Variants in NDUFAF6 observed in about 807,000 individuals in gnomAD.
NDUFAF6 encodes the protein NADH dehydrogenase (ubiquinone) complex I, assembly factor 6.
In NDUFAF6, 45 loss-of-function variants were observed where a neutral mutation model predicts 40.8. The observed-to-expected ratio is 1.10, with a 90% CI of 0.87 to 1.42. The LOEUF is 1.42. Ranked by LOEUF, NDUFAF6 falls within the 40% of genes most tolerant of loss-of-function variation. NDUFAF6 has a pLI of 0.00. For missense variants in NDUFAF6, 435 were observed against 418.5 expected (o/e 1.04, Z -0.34); for synonymous variants, 185 against 155.9 (o/e 1.19, Z -1.39).
At chr8:95,021,125 A>G (rs1289574688), upstream of NDUFAF6, among the ~76,000 whole-genome samples, 1 of 152,138 alleles carries the variant, frequency 6.6e-6, no homozygotes, top group Non-Finnish European at 1.5e-5. Flanking sequence ...CTTTGAAGTG[A>G]TCCAGACAAG....
At position 95,057,897 on chromosome 8, in the gene NDUFAF6, C is replaced by T. The variant is rs1447631428; in HGVS notation, c.962C>T (p.Pro321Leu). The T allele has an allele frequency of 1.9e-6, 3 of 1,567,068 alleles. No homozygotes were observed. Among genetic ancestry groups the T allele is most frequent in the Middle Eastern group, 3.4e-4 (2 of 5,958 alleles). Residue 321 changes from proline (P) to leucine (L), a missense_variant, in exon 9 of 9, where the codon CCA becomes CTA. Pro to Leu is a moderately conservative substitution (Grantham distance 98). Coordinates refer to ENST00000396124, the MANE Select transcript of NDUFAF6 (RefSeq NM_152416.4). Reference protein sequence around the residue: ...PSLQQKNTLLPLYLYIQSWRK... With the variant: ...PSLQQKNTLLLLYLYIQSWRK... ...TTACAGCAGAAGAATACATTACTTCCATTATATTTGTATATTCAGTCATGG... is the reference window on the plus strand; with the variant it reads ...TTACAGCAGAAGAATACATTACTTCTATTATATTTGTATATTCAGTCATGG...
chr8:94,952,699 A>G (rs1275793407), intron 2 of NDUFAF6, among the ~76,000 whole-genome samples: 3 of 152,254 alleles, frequency 2.0e-5, no homozygotes, highest in Non-Finnish European at 4.4e-5. Context: ...GAAAGGAGTC[A>G]AGAATTATTC....
At chr8:95,100,429 T>C (rs1262972951) in exon 1 of NDUFAF6, 1 of 152,196 alleles carries the variant, frequency 6.6e-6, no homozygotes, top group Non-Finnish European at 1.5e-5. Flanking sequence ...GGAAATGATC[T>C]GAAATGTTTG....
chr8:94,950,348 T>C (rs958681147), intron 2 of NDUFAF6: 1 of 152,312 alleles, frequency 6.6e-6, no homozygotes, highest in African/African-American at 2.4e-5. Context: ...ATTAACTGTC[T>C]GGCAAAGGCA....
intron 2 of NDUFAF6, among the ~76,000 whole-genome samples, chr8:94,994,415 G>T (rs770961998): frequency 6.6e-6 from 1 of 152,076 alleles, no homozygotes; most frequent in Non-Finnish European, 1.5e-5. Context: ...GCTGGGCATG[G>T]TGGCTGGCAC....
rs756131864 is a variant in NDUFAF6 at position 95,057,833 on chromosome 8, A to C, written c.898A>C (p.Lys300Gln). ...GGTTTCTCTAGAGGACTTTCTAAAG[A>C]AAATTCAGCGAGTGGATTTTGATAT... ...QTVSLEDFLK[K>Q]IQRVDFDIFH... The change falls in exon 9 of 9, where the codon AAA becomes CAA. Residue 300 changes from lysine to glutamine, a missense_variant. Lys to Gln is a moderately conservative substitution (Grantham distance 53). Transcript: ENST00000396124. The C allele has an allele frequency of 5.6e-6, 9 of 1,612,654 alleles. No homozygotes were observed. In the East Asian group the frequency reaches 2.0e-4, roughly 36 times the overall value.
intron 2 of NDUFAF6, among the ~76,000 whole-genome samples, chr8:95,102,337 C>G (rs1252646785): frequency 6.6e-6 from 1 of 152,182 alleles, no homozygotes. Flanking sequence ...GCTGGGATAA[C>G]AGTGGATTGG....
intron 2 of NDUFAF6, among the ~76,000 whole-genome samples, chr8:94,994,330 C>T (rs1471486137): frequency 6.6e-6 from 1 of 151,942 alleles, no homozygotes; most frequent in Non-Finnish European, 1.5e-5. Flanking sequence ...GCGAGTGGAT[C>T]ACCTGAGGTC....
chr8:95,097,963 T>C (rs1563867365), upstream of NDUFAF6, among the ~76,000 whole-genome samples: 1 of 152,190 alleles, frequency 6.6e-6, no homozygotes, highest in East Asian at 1.9e-4. Flanking sequence ...TGGTTGGTTC[T>C]GGATCCCTTT....
intron 9 of NDUFAF6, chr8:95,073,230 A>G (rs1232806282): frequency 6.6e-6 from 1 of 152,330 alleles, no homozygotes; most frequent in South Asian, 2.1e-4. Flanking sequence ...CGGGTCCCCT[A>G]GGTTCTCGCC....
intron 2 of NDUFAF6, among the ~76,000 whole-genome samples, chr8:95,087,399 T>C (rs13251759): frequency 0.14 from 21,895 of 152,226 alleles, 1,850 homozygotes; most frequent in Non-Finnish European, 0.2. Flanking sequence ...ATGACTGAAG[T>C]TCCCCCGATT....
intron 1 of NDUFAF6, among the ~76,000 whole-genome samples, chr8:94,964,633 G>A (rs574053411): frequency 9.9e-5 from 15 of 152,236 alleles, no homozygotes; most frequent in Admixed American, 5.2e-4. Flanking sequence ...GCAAGAGAGC[G>A]AGAAGGAGGT....
At chr8:95,071,506 G>T (rs1461893091) in intron 9 of NDUFAF6, among the ~76,000 whole-genome samples, 3 of 152,080 alleles carry the variant, frequency 2.0e-5, no homozygotes. Context: ...CTGTCCTGGA[G>T]GTTCCTACGC....
At chr8:94,916,423 C>T (rs552602954) in intron 1 of NDUFAF6, among the ~76,000 whole-genome samples, 5 of 152,284 alleles carry the variant, frequency 3.3e-5, no homozygotes, top group African/African-American at 1.2e-4. Context: ...TGACCCATCC[C>T]GGCTGTCATC....
At chr8:95,043,336 G>A (rs531327253) in intron 4 of NDUFAF6, among the ~76,000 whole-genome samples, 4 of 151,682 alleles carry the variant, frequency 2.6e-5, no homozygotes, top group African/African-American at 7.3e-5. Context: ...TGATCCACCC[G>A]CCTCAGCCTC....
chr8:95,010,729 TA>T (rs200855057), intron 2 of NDUFAF6, among the ~76,000 whole-genome samples: 5 of 151,792 alleles, frequency 3.3e-5, no homozygotes, highest in East Asian at 1.9e-4. Flanking sequence ...TCAGACTCTT[TA>T]AAAAAAAATC....
At chr8:95,075,550 T>C in intron 9 of NDUFAF6, 1 of 1,164,038 alleles carries the variant, frequency 8.6e-7, no homozygotes. Flanking sequence ...AGGCCAACCA[T>C]AAGCATCTCT....
chr8:94,915,610 G>C (rs1819080655), intron 1 of NDUFAF6, among the ~76,000 whole-genome samples: 1 of 152,178 alleles, frequency 6.6e-6, no homozygotes. Context: ...TGGGTCGAAT[G>C]GTAATTCTGT....
chr8:94,955,438 A>G (rs752032587), upstream of NDUFAF6, among the ~76,000 whole-genome samples: 32 of 152,250 alleles, frequency 2.1e-4, no homozygotes, highest in Non-Finnish European at 3.8e-4. Flanking sequence ...TTTATGAGGC[A>G]GAGCCCTCAT....
Sources: allele counts gnomAD v4.1 joint callset (sites outside exome capture counted in the v4.1 genomes callset), GRCh38; gene constraint gnomAD v4.1.1; transcripts MANE v1.5; gene names NCBI Gene and HGNC (gene_info 2026-07-23, HGNC 2026-07-21).